Variants in THRA observed in about 807,000 individuals in gnomAD.
THRA encodes EAR-7.
In THRA, 13 loss-of-function variants were observed where a neutral mutation model predicts 45.0. That is an observed-to-expected ratio of 0.29 (90% CI 0.19 to 0.46). The LOEUF (loss-of-function observed/expected upper bound fraction) is 0.46. Ranked by LOEUF, THRA falls within the 20% of genes least tolerant of loss-of-function variation. The pLI, the probability that THRA is intolerant of heterozygous loss-of-function variation, is 1.00. For missense variants in THRA, 278 were observed against 556.1 expected (o/e 0.50, Z 5.03); for synonymous variants, 195 against 214.0 (o/e 0.91, Z 0.78).
Position 40,081,917 on chromosome 17 carries a change from C to T in THRA, c.223-1918C>T, listed in dbSNP as rs942155209. Among the ~76,000 whole-genome samples the T allele has an allele frequency of 1.3e-5, 2 of 151,732 alleles. 1 individual carries two copies. Among genetic ancestry groups the T allele is most frequent in the Admixed American group, 1.3e-4 (2 of 15,236 alleles). On this transcript the variant is annotated intron_variant, in intron 4 of 8. Coordinates refer to ENST00000450525, the MANE Select transcript of THRA (RefSeq NM_199334.5). ...GGTGGAGGTTGCAGTAAGCTGAGAT[C>T]ACACCACTGCACTCCAGCCTGGGTG...
Position 40,089,063 on chromosome 17 carries a change from G to A in THRA, c.983-143G>A, listed in dbSNP as rs549891865. ...TGCTTCTCCTGTCCACGTCTCTCAG[G>A]GGGAGCTTCTCCCCTCCCCTCCCCC... On this transcript the variant is annotated intron_variant, in intron 8 of 8. Coordinates refer to ENST00000450525, the MANE Select transcript of THRA (RefSeq NM_199334.5). The surrounding 1 kb of genome is among the most constrained non-coding windows in gnomAD (Gnocchi z 6.1). 1.4e-6 allele frequency: 1 copy of A among 719,440 alleles called. No individual in the cohort carries two copies. The highest frequency in any genetic ancestry group is 2.8e-5 in the East Asian group (1 of 36,156). 44.6% of individuals were successfully genotyped at this position (719,440 alleles called of 1,614,324 possible). A position where few individuals can be genotyped will look rare whatever the true frequency, so the allele number is the denominator to read the frequency against.
chr17:40,064,255 C>T (rs1206986715), intron 1 of THRA, among the ~76,000 whole-genome samples: 1 of 152,160 alleles, frequency 6.6e-6, no homozygotes, highest in Non-Finnish European at 1.5e-5. Context: ...CGCACAGGGT[C>T]ACACGTAGAT....
Position 40,083,863 on chromosome 17 carries a change from A to C in THRA, c.251A>C (p.Asn84Thr). ...KGFFRRTIQK[N>T]LHPTYSCKYD... ...TTCTTTCGCCGCACAATCCAGAAGA[A>C]CCTCCATCCCACCTATTCCTGCAAA... The change falls in exon 5 of 9, where the codon AAC (asparagine) becomes ACC (threonine). Residue 84 changes from asparagine (N) to threonine (T), a missense_variant. Transcript: ENST00000450525. 6.2e-7 allele frequency: 1 copy of C among 1,612,442 alleles called. No homozygotes were observed. The highest frequency in any genetic ancestry group is 8.5e-7 in the Non-Finnish European group (1 of 1,179,124).
rs1986411752 is a variant in THRA at position 40,063,012 on chromosome 17, C to G, written c.-378C>G. The stretch of plus-strand genomic sequence containing the variant: ...AGGAGGCGGGCGGCCCGGGCCCCAC[C>G]GGCCCCCCATGGACGCCCCCAGCAC... On this transcript the variant is annotated 5_prime_UTR_variant, in exon 1 of 9. Transcript: ENST00000450525. The G allele has an allele frequency of 6.6e-6, 1 of 151,526 alleles. No homozygotes were observed. The highest frequency in any genetic ancestry group is 1.5e-5 in the Non-Finnish European group (1 of 67,794). 9.4% of individuals were successfully genotyped at this position (151,526 alleles called of 1,614,324 possible).
intron 1 of THRA, among the ~76,000 whole-genome samples, chr17:40,064,277 CTG>C (rs1023927476): frequency 2.0e-5 from 3 of 152,320 alleles, no homozygotes; most frequent in African/African-American, 7.2e-5. Flanking sequence ...CTGTCACACA[CTG>C]GGGCAAGGAG....
chr17:40,091,592 C>A lies in THRA; in HGVS notation c.*2136C>A. The A allele has an allele frequency of 6.6e-6, 1 of 151,952 alleles. No homozygotes were observed. The highest frequency in any genetic ancestry group is 1.5e-5 in the Non-Finnish European group (1 of 68,056). 9.4% of individuals were successfully genotyped at this position (151,952 alleles called of 1,614,324 possible). On this transcript the variant is annotated 3_prime_UTR_variant, in exon 9 of 9. Transcript: ENST00000450525. The stretch of plus-strand genomic sequence containing the variant: ...TGTCTTCCCCATCCCTCCATCCCCA[C>A]CCCAACCCCTCCATCCCCATTCTCA...
Position 40,091,121 on chromosome 17 carries a change from TG to T in THRA, c.*1671del. The stretch of plus-strand genomic sequence containing the variant: ...AAGCCATGGGGATTGGGGCAGGGGG[TG>T]GGGGGAGGGGTGCCAGGGCTTCCTG... On this transcript the variant is annotated 3_prime_UTR_variant, in exon 9 of 9. Coordinates refer to ENST00000450525, the MANE Select transcript of THRA (RefSeq NM_199334.5). The T allele has an allele frequency of 6.4e-5, 2 of 31,152 alleles. No homozygotes were observed. The highest frequency in any genetic ancestry group is 1.2e-3 in the South Asian group (1 of 862). The allele number at this position is 31,152 out of a possible 1,614,324, so 1.9% of individuals were successfully genotyped here.
intron 1 of THRA, among the ~76,000 whole-genome samples, chr17:40,070,216 T>C (rs1356064586): frequency 6.6e-6 from 1 of 151,852 alleles, no homozygotes; most frequent in Non-Finnish European, 1.5e-5. Context: ...TCCTCCCGTC[T>C]CCCCCATGCC....
chr17:40,092,927 C>T lies in THRA; in HGVS notation c.*3471C>T, dbSNP rs1987638159. The T allele has an allele frequency of 4.0e-6, 6 of 1,505,268 alleles. No homozygotes were observed. The highest frequency in any genetic ancestry group is 2.7e-5 in the South Asian group (2 of 74,586). The allele number at this position is 1,505,268 out of a possible 1,614,324, so 93.2% of individuals were successfully genotyped here. On this transcript the variant is annotated 3_prime_UTR_variant, in exon 9 of 9. Coordinates refer to ENST00000450525, the MANE Select transcript of THRA (RefSeq NM_199334.5). ...GATGGGGGAGGGAGGCAGGTATTTACAAGAAGGCTCAGGGGGCCAGAGGCT... is the reference window on the plus strand; with the variant it reads ...GATGGGGGAGGGAGGCAGGTATTTATAAGAAGGCTCAGGGGGCCAGAGGCT...
upstream of THRA, chr17:40,062,603 ACCC>A (rs1986392188): frequency 6.6e-6 from 1 of 151,144 alleles, no homozygotes; most frequent in Admixed American, 6.6e-5. Context: ...ACACCCGAAA[ACCC>A]CCCAATTCTC....
chr17:40,080,515 C>T (rs1987100633), intron 4 of THRA, among the ~76,000 whole-genome samples: 1 of 152,182 alleles, frequency 6.6e-6, no homozygotes, highest in South Asian at 2.1e-4. Flanking sequence ...TTAGAGTTCC[C>T]TAGCAGAAGC....
intron 2 of THRA, among the ~76,000 whole-genome samples, chr17:40,076,101 G>A (rs1166538426): frequency 6.6e-6 from 1 of 152,238 alleles, no homozygotes; most frequent in Non-Finnish European, 1.5e-5. Context: ...TATGTGCAGT[G>A]GCTGAGGGTT....
intron 1 of THRA, chr17:40,068,970 G>A (rs1362754141): frequency 1.3e-5 from 2 of 152,632 alleles, no homozygotes; most frequent in Non-Finnish European, 2.9e-5. Flanking sequence ...ATATCTCCTG[G>A]AACGGTACCC....
rs1987333362 is a variant in THRA at position 40,086,749 on chromosome 17, G to A, written c.619G>A (p.Gly207Arg). ...GTCACCCATTGTCTCCATGCCGGACGGAGACAAGGTGGACCTGGAAGCCTT... is the reference window on the plus strand; with the variant it reads ...GTCACCCATTGTCTCCATGCCGGACAGAGACAAGGTGGACCTGGAAGCCTT... Reference protein sequence around the residue: ...GQSPIVSMPDGDKVDLEAFSE... With the variant: ...GQSPIVSMPDRDKVDLEAFSE... Residue 207 changes from glycine (G) to arginine (R), a missense_variant, in exon 7 of 9, where the codon GGA becomes AGA. Gly to Arg is a moderately radical substitution (Grantham distance 125). Transcript: ENST00000450525. 1.9e-6 allele frequency: 3 copies of A among 1,614,108 alleles called. No homozygotes were observed. The highest frequency in any genetic ancestry group is 1.7e-6 in the Non-Finnish European group (2 of 1,180,030).
At chr17:40,062,816 G>C, upstream of THRA, 1 of 144,786 alleles carries the variant, frequency 6.9e-6, no homozygotes, top group South Asian at 1.9e-4. Context: ...CGGCGAGGCG[G>C]CCTGCAGGGA....
upstream of THRA, chr17:40,062,962 C>G (rs1458578013): frequency 6.7e-6 from 1 of 150,196 alleles, no homozygotes; most frequent in Non-Finnish European, 1.5e-5. Flanking sequence ...CCCCCCCGCG[C>G]TCACTCGCAC....
chr17:40,077,041 T>TG, intron 3 of THRA, 103 bp downstream of exon 3: 1 of 1,223,076 alleles, frequency 8.2e-7, no homozygotes, highest in Non-Finnish European at 1.2e-6. Context: ...ATGTGTTCCC[T>TG]GGGGGGAGCC....
chr17:40,093,094 C>A, downstream of THRA: 1 of 1,614,108 alleles, frequency 6.2e-7, no homozygotes, highest in Non-Finnish European at 8.5e-7. This position sits in a 1 kb window ranked among gnomAD's most constrained non-coding sequence, Gnocchi z 5.9. Context: ...CACTGGGCGT[C>A]CACCCGGAAG....
At chr17:40,063,789 C>T (rs1466666976) in intron 1 of THRA, among the ~76,000 whole-genome samples, 3 of 152,068 alleles carry the variant, frequency 2.0e-5, no homozygotes, top group Admixed American at 6.5e-5. Context: ...GTGTACCCCA[C>T]CTTGTTTCCC....
Sources: allele counts gnomAD v4.1 joint callset (sites outside exome capture counted in the v4.1 genomes callset), GRCh38; gene constraint gnomAD v4.1.1; non-coding constraint Gnocchi (gnomAD v3.1); transcripts MANE v1.5; gene names NCBI Gene and HGNC (gene_info 2026-07-23, HGNC 2026-07-21).